SH3RF1: variants seen among roughly 807,000 people sequenced by gnomAD.
SH3RF1 encodes the protein E3 ubiquitin-protein ligase SH3RF1.
A neutral mutation model predicts 74.0 loss-of-function variants in SH3RF1; 32 were observed. The ratio of observed to expected loss-of-function variants is 0.43; its 90% CI spans 0.33 to 0.58. SH3RF1 has a LOEUF of 0.58. Ranked by LOEUF, SH3RF1 falls within the 20% of genes least tolerant of loss-of-function variation. The pLI, the probability that SH3RF1 is intolerant of heterozygous loss-of-function variation, is 0.05. For missense variants in SH3RF1, 954 were observed against 1,130.9 expected (o/e 0.84, Z 2.24); for synonymous variants, 396 against 439.6 (o/e 0.90, Z 1.24).
At chr4:169,252,132 G>A (rs145196664) in intron 2 of SH3RF1, among the ~76,000 whole-genome samples, 212 of 152,286 alleles carry the variant, frequency 1.4e-3, no homozygotes, top group African/African-American at 4.6e-3. Context: ...AAGAGGGCCT[G>A]CGTTTTCACA....
intron 2 of SH3RF1, among the ~76,000 whole-genome samples, chr4:169,259,314 C>T (rs1731237411): frequency 6.6e-6 from 1 of 152,118 alleles, no homozygotes; most frequent in Non-Finnish European, 1.5e-5. Flanking sequence ...CTACTGCTCA[C>T]TTTTTTCATG....
rs117829677 is a variant in SH3RF1 at position 169,141,342 on chromosome 4, G to A, written c.766-4722C>T. 3.3e-4 allele frequency among the ~76,000 whole-genome samples: 50 copies of A among 152,222 alleles called. 1 individual carries two copies. In the East Asian group the frequency reaches 8.3e-3, roughly 25 times the overall value. ...ATGAACATCTTTGCATATCAATAGGGATAGGCTGATAGCATGGTATTCCAT... is the reference window on the plus strand; with the variant it reads ...ATGAACATCTTTGCATATCAATAGGAATAGGCTGATAGCATGGTATTCCAT... On this transcript the variant is annotated intron_variant, in intron 4 of 11. Transcript: ENST00000284637.
chr4:169,226,571 T>C (rs1326038850), intron 2 of SH3RF1, among the ~76,000 whole-genome samples: 1 of 151,830 alleles, frequency 6.6e-6, no homozygotes, highest in African/African-American at 2.4e-5. Context: ...CTAATCTCAT[T>C]TAACCATTCC....
intron 2 of SH3RF1, among the ~76,000 whole-genome samples, chr4:169,168,110 A>C (rs562070569): frequency 6.6e-6 from 1 of 152,326 alleles, no homozygotes; most frequent in African/African-American, 2.4e-5. Context: ...ACTGCAGTCC[A>C]GCCTGGGCAA....
chr4:169,258,420 C>T (rs1185857551), intron 2 of SH3RF1, among the ~76,000 whole-genome samples: 5 of 152,126 alleles, frequency 3.3e-5, no homozygotes, highest in African/African-American at 1.2e-4. Flanking sequence ...TTAACACTTC[C>T]AGTGTCTTCT....
chr4:169,268,871 G>A lies in SH3RF1; in HGVS notation c.342C>T (p.Ser114=). Residue 114 remains serine, a synonymous_variant, in exon 2 of 12, where the codon AGC becomes AGT. Coordinates refer to ENST00000284637, the MANE Select transcript of SH3RF1 (RefSeq NM_020870.4). ...VANCSSKDLQ[S]SQGGQQPRVQ... is the part of the protein sequence containing the mutation. ...CCCGAGGCTGCTGTCCGCCCTGGGA[G>A]CTCTGCAGATCTTTTGAGCTACAAT... is the stretch of plus-strand genomic sequence containing the variant. 6.2e-7 allele frequency: 1 copy of A among 1,612,010 alleles called. No homozygotes were observed. Among genetic ancestry groups the A allele is most frequent in the Non-Finnish European group, 8.5e-7 (1 of 1,179,630 alleles).
At chr4:169,186,892 T>C (rs1411948856) in intron 2 of SH3RF1, among the ~76,000 whole-genome samples, 1 of 149,694 alleles carries the variant, frequency 6.7e-6, no homozygotes, top group Admixed American at 6.6e-5. Flanking sequence ...CGGGTGACTG[T>C]GGTCCCAGCT....
chr4:169,132,886 A>G (rs1733641461), intron 5 of SH3RF1, among the ~76,000 whole-genome samples: 1 of 152,224 alleles, frequency 6.6e-6, no homozygotes, highest in Non-Finnish European at 1.5e-5. Context: ...CTCATGTCAC[A>G]GTCACAGACA....
chr4:169,240,446 C>A (rs1475812050), intron 2 of SH3RF1, among the ~76,000 whole-genome samples: 3 of 152,126 alleles, frequency 2.0e-5, no homozygotes, highest in Admixed American at 2.0e-4. Context: ...AATCGACCTA[C>A]CTCAGCCTCC....
At chr4:169,174,858 C>A (rs1440267770) in intron 2 of SH3RF1, among the ~76,000 whole-genome samples, 4 of 152,288 alleles carry the variant, frequency 2.6e-5, no homozygotes, top group South Asian at 4.1e-4. Context: ...AACTGTGGAT[C>A]TACACAACGA....
Position 169,152,781 on chromosome 4 carries a change from A to G in SH3RF1, c.765+2699T>C, listed in dbSNP as rs115316796. Among the ~76,000 whole-genome samples the G allele has an allele frequency of 9.0e-3, 1,364 of 152,292 alleles. 22 individuals carry two copies. The highest frequency in any genetic ancestry group is 0.031 in the African/African-American group (1,300 of 41,568). ...TTTGTTTGCAAGTCACTGTACCACC[A>G]TCGCTATTTTATCACCTTACTCCAG... On this transcript the variant is annotated intron_variant, in intron 4 of 11. Coordinates refer to ENST00000284637, the MANE Select transcript of SH3RF1 (RefSeq NM_020870.4).
In SH3RF1 at chr4:169,117,359, G is replaced by A. The variant is rs111551385; in HGVS notation, c.1777+164C>T. On this transcript the variant is annotated intron_variant, in intron 9 of 11. Coordinates refer to ENST00000284637, the MANE Select transcript of SH3RF1 (RefSeq NM_020870.4). ...AGGCTTGAAGTAATACGCAGGGCAC[G>A]CTTAGCCCAAATAAGCAGATACAAG... 8.1e-3 allele frequency among the ~76,000 whole-genome samples: 1,241 copies of A among 152,300 alleles called. 23 individuals are homozygous for A. The highest frequency in any genetic ancestry group is 0.028 in the African/African-American group (1,180 of 41,566).
chr4:169,112,366 T>C (rs917754210), intron 10 of SH3RF1, among the ~76,000 whole-genome samples: 1 of 152,212 alleles, frequency 6.6e-6, no homozygotes, highest in Non-Finnish European at 1.5e-5. Context: ...GGAGATGCTC[T>C]GCTGATGAAG....
At chr4:169,259,534 T>C (rs1213489074) in intron 2 of SH3RF1, among the ~76,000 whole-genome samples, 1 of 152,148 alleles carries the variant, frequency 6.6e-6, no homozygotes, top group East Asian at 1.9e-4. Context: ...GACAAAAGGA[T>C]TGCAGAGCCA....
chr4:169,209,854 A>G (rs576845380), intron 2 of SH3RF1, among the ~76,000 whole-genome samples: 41 of 152,218 alleles, frequency 2.7e-4, no homozygotes, highest in African/African-American at 9.1e-4. Context: ...CAATGACACA[A>G]TCACGGCTCA....
intron 4 of SH3RF1, among the ~76,000 whole-genome samples, chr4:169,148,630 T>C (rs947337070): frequency 2.0e-5 from 3 of 152,098 alleles, no homozygotes; most frequent in African/African-American, 7.2e-5. Context: ...TAATAAATCA[T>C]CAACAAACCT....
Position 169,116,156 on chromosome 4 carries a change from G to A in SH3RF1, c.2139+113C>T, listed in dbSNP as rs1008760935. The A allele has an allele frequency of 1.2e-5, 18 of 1,470,956 alleles. No homozygotes were observed. In the South Asian group the frequency reaches 2.2e-4, roughly 18 times the overall value. 91.1% of individuals were successfully genotyped at this position (1,470,956 alleles called of 1,614,324 possible). ...AGTGACTCACACGTAGGGAGCACCT[G>A]AGGGTTTGTTGAACAGTGAGTCCTC... On this transcript the variant is annotated intron_variant, in intron 10 of 11. Coordinates refer to ENST00000284637, the MANE Select transcript of SH3RF1 (RefSeq NM_020870.4).
intron 2 of SH3RF1, among the ~76,000 whole-genome samples, chr4:169,254,404 T>G (rs2110749922): frequency 6.6e-6 from 1 of 152,326 alleles, no homozygotes; most frequent in African/African-American, 2.4e-5. Context: ...AAAATAAATG[T>G]AATAAACAAG....
At chr4:169,196,582 C>T (rs1456862318) in intron 2 of SH3RF1, among the ~76,000 whole-genome samples, 3 of 152,158 alleles carry the variant, frequency 2.0e-5, no homozygotes, top group Non-Finnish European at 2.9e-5. Context: ...ACTGTAGAAT[C>T]ACCTTAATCT....
Sources: allele counts gnomAD v4.1 joint callset (sites outside exome capture counted in the v4.1 genomes callset), GRCh38; gene constraint gnomAD v4.1.1; transcripts MANE v1.5; gene names NCBI Gene and HGNC (gene_info 2026-07-23, HGNC 2026-07-21).